The following CHIC1 variants were observed in gnomAD, a reference collection of about 807,000 sequenced individuals.
CHIC1 encodes the protein cysteine rich hydrophobic domain 1, also known as cysteine-rich hydrophobic domain-containing protein 1.
In CHIC1, 7 loss-of-function variants were observed where a neutral mutation model predicts 18.5. The observed-to-expected ratio is 0.38, with a 90% CI of 0.22 to 0.71. CHIC1 has a LOEUF of 0.71. CHIC1 is among the 30% of genes least tolerant of loss of function. The pLI is 0.49. For synonymous variants in CHIC1, 77 were observed against 73.5 expected (o/e 1.05, Z -0.25); for missense variants, 159 against 176.9 (o/e 0.90, Z 0.57).
At chrX:73,620,911 T>C (rs747416660) in intron 3 of CHIC1, among the ~76,000 whole-genome samples, 6 of 112,229 alleles carry the variant, frequency 5.3e-5, no homozygotes, top group Middle Eastern at 4.6e-3. Context: ...TTCAGTTTTC[T>C]GCATATGACT....
intron 3 of CHIC1, among the ~76,000 whole-genome samples, chrX:73,646,348 G>C (rs1485592223): frequency 8.9e-6 from 1 of 112,063 alleles, no homozygotes; most frequent in Non-Finnish European, 1.9e-5. Flanking sequence ...CTCCAGCTTT[G>C]TTCTTTTTTC....
chrX:73,597,215 C>T (rs902716399), intron 3 of CHIC1, among the ~76,000 whole-genome samples: 15 of 111,676 alleles, frequency 1.3e-4, no homozygotes, highest in Middle Eastern at 9.1e-3. Flanking sequence ...ATTGTGATTT[C>T]GACATACATT....
At position 73,654,957 on chromosome X, in the gene CHIC1, A is replaced by G. The variant is rs1462360425; in HGVS notation, c.508-24369A>G. 2.7e-5 allele frequency among the ~76,000 whole-genome samples: 3 copies of G among 111,000 alleles called. No individual in the cohort carries two copies. The East Asian group carries it at 8.5e-4, about 32-fold the overall frequency. On this transcript the variant is annotated intron_variant, in intron 3 of 5. Transcript: ENST00000373502. ...TGGCAAATATGCAGGTTTGTTACAT[A>G]GGTAAATGTGTGCCATGATGGTTTG...
At chrX:73,593,668 A>G (rs1041666713) in intron 3 of CHIC1, among the ~76,000 whole-genome samples, 1 of 111,651 alleles carries the variant, frequency 9.0e-6, no homozygotes, top group Non-Finnish European at 1.9e-5. Context: ...CCAGTCTTCA[A>G]TCTCTGAAAC....
At position 73,607,638 on chromosome X, in the gene CHIC1, G is replaced by T. The variant is rs367581879; in HGVS notation, c.507+23066G>T. Among the ~76,000 whole-genome samples, 81 of 109,258 alleles carry T rather than the reference G, an allele frequency of 7.4e-4. 1 individual carries two copies. The highest frequency in any genetic ancestry group is 1.4e-3 in the Non-Finnish European group (74 of 53,164). The allele number at this position is 109,258 out of a possible 115,157, so 94.9% of individuals were successfully genotyped here. A position where few individuals can be genotyped will look rare whatever the true frequency, so the allele number is the denominator to read the frequency against. ...TGTCGGCACCCAAGGGAATCTTCTT[G>T]TCTGTGGGTTGTGAAGTCTGTGGGA... is the stretch of plus-strand genomic sequence containing the variant. On this transcript the variant is annotated intron_variant, in intron 3 of 5. Coordinates refer to ENST00000373502, the MANE Select transcript of CHIC1 (RefSeq NM_001039840.4).
intron 3 of CHIC1, among the ~76,000 whole-genome samples, chrX:73,654,820 A>T (rs746198414): frequency 8.9e-6 from 1 of 112,176 alleles, no homozygotes; most frequent in African/African-American, 3.2e-5. Flanking sequence ...TATAGTTCAT[A>T]ACAGTCTCTA....
intron 3 of CHIC1, among the ~76,000 whole-genome samples, chrX:73,593,354 A>G (rs2057591190): frequency 9.0e-6 from 1 of 111,354 alleles, no homozygotes; most frequent in Admixed American, 9.5e-5. Flanking sequence ...TTTCCTCTTC[A>G]TGCTGCTTTT....
chrX:73,657,220 C>G (rs1473375838), intron 3 of CHIC1, among the ~76,000 whole-genome samples: 1 of 109,453 alleles, frequency 9.1e-6, no homozygotes, highest in Non-Finnish European at 1.9e-5. Context: ...CCACCATGCC[C>G]GGCTACTTTT....
intron 3 of CHIC1, among the ~76,000 whole-genome samples, chrX:73,614,861 T>A (rs1369803301): frequency 9.0e-6 from 1 of 110,794 alleles, no homozygotes; most frequent in Non-Finnish European, 1.9e-5. Context: ...TTTTTCCAAG[T>A]TTTTATAAAT....
intron 3 of CHIC1, among the ~76,000 whole-genome samples, chrX:73,651,858 T>G (rs1390063813): frequency 1.8e-5 from 2 of 111,963 alleles, no homozygotes; most frequent in African/African-American, 6.5e-5. Flanking sequence ...AAACTACCAT[T>G]GACATTCTTC....
At chrX:73,583,158 G>A (rs190394919) in intron 2 of CHIC1, among the ~76,000 whole-genome samples, 1 of 111,087 alleles carries the variant, frequency 9.0e-6, no homozygotes, top group African/African-American at 3.3e-5. Context: ...TAACATATTA[G>A]TAAGAAAATC....
chrX:73,594,025 G>A (rs2057594455), intron 3 of CHIC1, among the ~76,000 whole-genome samples: 1 of 110,684 alleles, frequency 9.0e-6, no homozygotes, highest in Non-Finnish European at 1.9e-5. Context: ...CTGCTCTGGG[G>A]GTTCTTGTGT....
chrX:73,675,495 T>G (rs1302734503), intron 3 of CHIC1, among the ~76,000 whole-genome samples: 2 of 111,980 alleles, frequency 1.8e-5, no homozygotes, highest in Non-Finnish European at 1.9e-5. Context: ...ATGGCCTTCT[T>G]TGTCTCTTTT....
chrX:73,662,494 C>T (rs771285444), intron 3 of CHIC1, among the ~76,000 whole-genome samples: 1 of 102,219 alleles, frequency 9.8e-6, no homozygotes, highest in African/African-American at 3.6e-5. Flanking sequence ...TGCTCTATTT[C>T]TTCTATTTCC....
intron 3 of CHIC1, among the ~76,000 whole-genome samples, chrX:73,636,701 G>A (rs965097792): frequency 9.4e-6 from 1 of 106,638 alleles, no homozygotes; most frequent in African/African-American, 3.4e-5. Context: ...TTATCTCTGT[G>A]GTTACCGTGG....
rs1342177974 is a variant in CHIC1 at position 73,684,119 on chromosome X, T to C, written c.*3114T>C. 8.9e-6 allele frequency: 1 copy of C among 111,820 alleles called. No individual in the cohort carries two copies. Among genetic ancestry groups the C allele is most frequent in the Non-Finnish European group, 1.9e-5 (1 of 52,851 alleles). The allele number at this position is 111,820 out of a possible 1,213,427, so 9.2% of individuals were successfully genotyped here. On this transcript the variant is annotated 3_prime_UTR_variant, in exon 6 of 6. Coordinates refer to ENST00000373502, the MANE Select transcript of CHIC1 (RefSeq NM_001039840.4). ...AGTGTATTATCTTTTATTTATTATG[T>C]AAAGCTTCTTTCCTTCCTTTTCCCC...
intron 3 of CHIC1, among the ~76,000 whole-genome samples, chrX:73,640,930 T>C (rs1267924476): frequency 9.0e-6 from 1 of 111,354 alleles, no homozygotes; most frequent in African/African-American, 3.3e-5. Context: ...CTAGTTGTGG[T>C]TTAGGTTGTT....
At chrX:73,680,421 T>C (rs1395039050) in intron 5 of CHIC1, among the ~76,000 whole-genome samples, 1 of 111,423 alleles carries the variant, frequency 9.0e-6, no homozygotes, top group Non-Finnish European at 1.9e-5. Context: ...CATTCAAAAA[T>C]ATCCGAGTTT....
Position 73,607,429 on chromosome X carries a change from G to A in CHIC1, c.507+22857G>A, listed in dbSNP as rs1285635546. Among the ~76,000 whole-genome samples the A allele has an allele frequency of 9.2e-5, 10 of 108,112 alleles. 1 individual carries two copies. The highest frequency in any genetic ancestry group is 3.6e-4 in the African/African-American group (10 of 27,728). 93.9% of individuals were successfully genotyped at this position (108,112 alleles called of 115,157 possible). On this transcript the variant is annotated intron_variant, in intron 3 of 5. Transcript: ENST00000373502. ...TTAGCTTCCTGGGCTCCTTGGGGGT[G>A]GGATCCACTGAGCTAGACCACTTGG...
Sources: allele counts gnomAD v4.1 joint callset (sites outside exome capture counted in the v4.1 genomes callset), GRCh38; gene constraint gnomAD v4.1.1; transcripts MANE v1.5; gene names NCBI Gene and HGNC (gene_info 2026-07-23, HGNC 2026-07-21).